The following NCAM2 variants were observed in gnomAD, a reference collection of about 807,000 sequenced individuals.
The protein encoded by NCAM2 is N-CAM-2.
NCAM2 carries 30 observed loss-of-function variants against 98.1 expected under a neutral mutation model. That is an observed-to-expected ratio of 0.31 (90% CI 0.23 to 0.41). NCAM2 has a LOEUF of 0.41. Ranked by LOEUF, NCAM2 falls within the 10% of genes least tolerant of loss-of-function variation. The probability of loss-of-function intolerance (pLI) is 1.00; values close to 1 mark genes in which losing one functional copy is unlikely to be tolerated. For missense variants in NCAM2, 867 were observed against 1,005.8 expected (o/e 0.86, Z 1.87); for synonymous variants, 368 against 342.4 (o/e 1.07, Z -0.83).
intron 1 of NCAM2, among the ~76,000 whole-genome samples, chr21:21,237,338 A>G (rs1313021957): frequency 1.3e-5 from 2 of 152,132 alleles, no homozygotes; most frequent in Admixed American, 6.6e-5. Flanking sequence ...GCTACTTTCT[A>G]TAATTAGCTC....
chr21:21,410,686 T>G (rs2076839106), intron 10 of NCAM2, among the ~76,000 whole-genome samples: 1 of 151,990 alleles, frequency 6.6e-6, no homozygotes, highest in Non-Finnish European at 1.5e-5. Context: ...CAAAGACCAT[T>G]ATTTTTATAA....
At chr21:21,474,807 A>G (rs1044620614) in intron 14 of NCAM2, among the ~76,000 whole-genome samples, 2 of 151,992 alleles carry the variant, frequency 1.3e-5, no homozygotes, top group African/African-American at 2.4e-5. Context: ...TATAACTTAT[A>G]AAAATACATG....
intron 9 of NCAM2, among the ~76,000 whole-genome samples, chr21:21,374,343 C>A (rs571150748): frequency 2.9e-4 from 44 of 151,626 alleles, no homozygotes; most frequent in Non-Finnish European, 5.8e-4. Context: ...TTTTTTATTT[C>A]TTTATAATAT....
At chr21:21,191,374 C>T (rs2068816370) in intron 1 of NCAM2, among the ~76,000 whole-genome samples, 1 of 152,122 alleles carries the variant, frequency 6.6e-6, no homozygotes, top group Non-Finnish European at 1.5e-5. Flanking sequence ...CCTGTTGTGA[C>T]CTTTCCATAT....
intron 12 of NCAM2, among the ~76,000 whole-genome samples, chr21:21,459,806 T>C (rs1982695544): frequency 6.6e-6 from 1 of 151,678 alleles, no homozygotes; most frequent in Admixed American, 6.6e-5. Context: ...AGAGAGATAA[T>C]GTACCGCATT....
chr21:21,338,020 T>C (rs1324572436), intron 7 of NCAM2, among the ~76,000 whole-genome samples: 1 of 152,110 alleles, frequency 6.6e-6, no homozygotes, highest in East Asian at 1.9e-4. Flanking sequence ...TGTGCACACA[T>C]ATGCACCCAT....
rs144290506 is a variant in NCAM2 at position 21,220,045 on chromosome 21, C to T, written c.56-60533C>T. Among the ~76,000 whole-genome samples the T allele has an allele frequency of 4.7e-4, 64 of 137,436 alleles. No homozygotes were observed. The East Asian group carries it at 0.012, about 26-fold the overall frequency. The allele number at this position is 137,436 out of a possible 152,430, so 90.2% of individuals were successfully genotyped here. On this transcript the variant is annotated intron_variant, in intron 1 of 17. Transcript: ENST00000400546. Reference sequence around the variant, plus strand: ...AATGTGTTTGGGTTTCAAGCTATTACGAAAGTCAAAAAGTTAAAAAAAAAA... The same window carrying T: ...AATGTGTTTGGGTTTCAAGCTATTATGAAAGTCAAAAAGTTAAAAAAAAAA...
At chr21:21,536,167 T>C (rs918604714) in intron 17 of NCAM2, among the ~76,000 whole-genome samples, 1 of 152,104 alleles carries the variant, frequency 6.6e-6, no homozygotes, top group Non-Finnish European at 1.5e-5. Flanking sequence ...TGGTACAATG[T>C]TTTTTAATGT....
chr21:21,182,034 A>G (rs1055221604), intron 1 of NCAM2, among the ~76,000 whole-genome samples: 7 of 151,742 alleles, frequency 4.6e-5, no homozygotes, highest in Non-Finnish European at 8.8e-5. Flanking sequence ...TCTCTAAAAA[A>G]AAAAAAAAAA....
chr21:21,252,520 A>T (rs1319192366), intron 1 of NCAM2, among the ~76,000 whole-genome samples: 1 of 151,998 alleles, frequency 6.6e-6, no homozygotes, highest in African/African-American at 2.4e-5. Context: ...ATGCCAAAGC[A>T]CCTGAGAGCT....
chr21:21,397,258 T>C (rs1350738971), intron 9 of NCAM2, among the ~76,000 whole-genome samples: 2 of 152,088 alleles, frequency 1.3e-5, no homozygotes, highest in African/African-American at 2.4e-5. Flanking sequence ...CCAGAACTTA[T>C]AGCCCTAACT....
intron 15 of NCAM2, among the ~76,000 whole-genome samples, chr21:21,502,140 C>A (rs917960335): frequency 6.6e-6 from 1 of 151,790 alleles, no homozygotes; most frequent in Non-Finnish European, 1.5e-5. Flanking sequence ...TTTCTCAAAC[C>A]ATTTTGAATA....
Position 21,418,466 on chromosome 21 carries a change from A to T in NCAM2, c.1384-7A>T. On this transcript the variant is annotated splice_polypyrimidine_tract_variant and splice_region_variant and intron_variant, in intron 10 of 17. Coordinates refer to ENST00000400546, the MANE Select transcript of NCAM2 (RefSeq NM_004540.5). ...AATTGTAACATTTGTTATTATAATTATTTCAGATTGCACCTACATCTGACA... is the reference window on the plus strand; with the variant it reads ...AATTGTAACATTTGTTATTATAATTTTTTCAGATTGCACCTACATCTGACA... The T allele has an allele frequency of 1.3e-6, 2 of 1,585,352 alleles. No homozygotes were observed. The highest frequency in any genetic ancestry group is 1.7e-6 in the Non-Finnish European group (2 of 1,154,890).
chr21:21,074,733 A>G (rs530870491), intron 1 of NCAM2, among the ~76,000 whole-genome samples: 1 of 150,964 alleles, frequency 6.6e-6, no homozygotes, highest in East Asian at 1.9e-4. Context: ...TGCTTCCTCT[A>G]TCTTTTCTTC....
chr21:21,531,882 A>G (rs568642849), intron 16 of NCAM2, among the ~76,000 whole-genome samples: 2 of 151,142 alleles, frequency 1.3e-5, no homozygotes, highest in Admixed American at 1.3e-4. Context: ...AGTCCCAGCT[A>G]CTTGAGAGGC....
intron 1 of NCAM2, among the ~76,000 whole-genome samples, chr21:21,204,918 G>A (rs907616240): frequency 1.3e-5 from 2 of 151,262 alleles, no homozygotes; most frequent in Non-Finnish European, 3.0e-5. Context: ...TCCACTTTCC[G>A]TTCACTCTTT....
chr21:21,309,953 G>A (rs1053737357), intron 5 of NCAM2, among the ~76,000 whole-genome samples: 21 of 152,156 alleles, frequency 1.4e-4, no homozygotes, highest in African/African-American at 5.1e-4. Flanking sequence ...TGTTTCAGGT[G>A]CTAAGATAAA....
intron 9 of NCAM2, among the ~76,000 whole-genome samples, chr21:21,395,362 A>C (rs927927489): frequency 1.2e-4 from 19 of 152,314 alleles, no homozygotes; most frequent in African/African-American, 4.3e-4. Flanking sequence ...AAAGAAAAAT[A>C]ATTTTTAAAT....
chr21:21,053,736 G>A (rs915463697), intron 1 of NCAM2, among the ~76,000 whole-genome samples: 4 of 150,102 alleles, frequency 2.7e-5, no homozygotes, highest in Admixed American at 6.6e-5. Context: ...GTCATTTTGC[G>A]TTTTGTTATG....
Sources: gnomAD v4.1 joint callset for allele counts (sites outside exome capture counted in the v4.1 genomes callset) on GRCh38, gnomAD v4.1.1 for gene constraint, MANE v1.5 for transcripts, NCBI Gene and HGNC (gene_info 2026-07-23, HGNC 2026-07-21) for gene names.